Variants in MEIOB observed in about 807,000 individuals in gnomAD.
MEIOB encodes meiosis specific with OB-fold.
A neutral mutation model predicts 53.1 loss-of-function variants in MEIOB; 50 were observed. That is an observed-to-expected ratio of 0.94 (90% CI 0.75 to 1.19). MEIOB has a LOEUF of 1.19. Ranked by LOEUF, MEIOB falls within the 50% of genes most tolerant of loss-of-function variation. The pLI is 0.00. For synonymous variants in MEIOB, 192 were observed against 182.5 expected (o/e 1.05, Z -0.42); for missense variants, 551 against 550.8 (o/e 1.00, Z 0.00).
chr16:1,865,878 A>G (rs1388629007), intron 2 of MEIOB, 43 bp from the exon 3 acceptor site: 1 of 1,344,338 alleles, frequency 7.4e-7, no homozygotes, highest in East Asian at 2.5e-5. Flanking sequence ...TTAAACACAG[A>G]TGTACTTGAT....
intron 3 of MEIOB, among the ~76,000 whole-genome samples, chr16:1,865,347 G>A (rs1010015748): frequency 1.8e-4 from 28 of 151,460 alleles, no homozygotes; most frequent in Admixed American, 1.3e-4. Context: ...CAGGAGAATC[G>A]ATTGAACCCA....
In MEIOB at chr16:1,870,477, G is replaced by A. The variant is rs540492226; in HGVS notation, c.-10+1516C>T. ...GACACCTGAATTTCAGGCAGCCTGT[G>A]GAGTTAGTCAAATATGATTTTGAAT... On this transcript the variant is annotated intron_variant, in intron 1 of 13. Transcript: ENST00000325962. 2.0e-5 allele frequency among the ~76,000 whole-genome samples: 3 copies of A among 152,284 alleles called. No individual in the cohort carries two copies. In the East Asian group the frequency reaches 5.8e-4, roughly 29 times the overall value.
intron 11 of MEIOB, among the ~76,000 whole-genome samples, chr16:1,840,456 G>C (rs1158391498): frequency 6.6e-6 from 1 of 152,086 alleles, no homozygotes; most frequent in East Asian, 1.9e-4. Flanking sequence ...GAATGGTGTT[G>C]ATATCCTGGC....
At chr16:1,862,434 G>A (rs1391007523) in intron 3 of MEIOB, among the ~76,000 whole-genome samples, 3 of 152,080 alleles carry the variant, frequency 2.0e-5, no homozygotes, top group South Asian at 2.1e-4. Context: ...ATTACCTTAG[G>A]TTCTCCTTTT....
intron 9 of MEIOB, among the ~76,000 whole-genome samples, chr16:1,852,613 T>C (rs1405777425): frequency 1.3e-5 from 2 of 151,740 alleles, no homozygotes; most frequent in South Asian, 2.1e-4. Flanking sequence ...TGGAGTACAA[T>C]GGCGCGATTT....
chr16:1,871,971 G>C (rs1899767653), intron 1 of MEIOB, 22 bp downstream of exon 1: 1 of 92,876 alleles, frequency 1.1e-5, no homozygotes, highest in Non-Finnish European at 2.4e-5. Context: ...GTCGCCACCT[G>C]GCCGTCCACG....
chr16:1,857,691 T>G lies in MEIOB; in HGVS notation c.528+44A>C, dbSNP rs575116918. The stretch of plus-strand genomic sequence containing the variant: ...CAAACACAGATCAAGTGACTGCACC[T>G]CCCCTGCCAGATTGCACTTGGCTTT... On this transcript the variant is annotated intron_variant, in intron 6 of 13. Transcript: ENST00000325962. The G allele has an allele frequency of 1.9e-5, 28 of 1,475,266 alleles. No individual in the cohort carries two copies. The African/African-American group carries it at 2.8e-4, about 15-fold the overall frequency. The allele number at this position is 1,475,266 out of a possible 1,614,324, so 91.4% of individuals were successfully genotyped here. A position where few individuals can be genotyped will look rare whatever the true frequency, so the allele number is the denominator to read the frequency against.
chr16:1,871,499 T>A (rs9928009), intron 1 of MEIOB, among the ~76,000 whole-genome samples: 2 of 120,346 alleles, frequency 1.7e-5, no homozygotes, highest in Non-Finnish European at 1.6e-5. Context: ...GATTACAGGC[T>A]TGAGCCACCG....
At chr16:1,849,665 A>T (rs115592508) in intron 9 of MEIOB, among the ~76,000 whole-genome samples, 1 of 149,338 alleles carries the variant, frequency 6.7e-6, no homozygotes, top group African/African-American at 2.5e-5. Context: ...AAGTAAAACT[A>T]AAAAAAAAAG....
At chr16:1,854,737 C>T (rs562205588) in intron 6 of MEIOB, among the ~76,000 whole-genome samples, 2 of 151,936 alleles carry the variant, frequency 1.3e-5, no homozygotes, top group South Asian at 2.1e-4. Flanking sequence ...GAGCCACATG[C>T]GAGATACACA....
At chr16:1,851,468 TC>T (rs1467667815) in intron 9 of MEIOB, among the ~76,000 whole-genome samples, 1 of 152,190 alleles carries the variant, frequency 6.6e-6, no homozygotes, top group Non-Finnish European at 1.5e-5. Flanking sequence ...TCTCTGTCTC[TC>T]CCTGCTGGAG....
chr16:1,840,174 C>T (rs1020747570), intron 11 of MEIOB: 4 of 152,032 alleles, frequency 2.6e-5, no homozygotes, highest in Non-Finnish European at 5.9e-5. Context: ...GATGCTTTTC[C>T]TCAGATATCA....
chr16:1,849,809 G>A (rs1036200643), intron 9 of MEIOB, among the ~76,000 whole-genome samples: 2 of 152,048 alleles, frequency 1.3e-5, no homozygotes, highest in Admixed American at 6.5e-5. Context: ...CAGTAACAAC[G>A]TATGACATTC....
At chr16:1,865,924 C>G in intron 2 of MEIOB, 89 bp from the exon 3 acceptor site, 1 of 809,466 alleles carries the variant, frequency 1.2e-6, no homozygotes. Flanking sequence ...ACTTTACTGG[C>G]TCTAACAAAC....
chr16:1,861,541 T>C (rs1195753466), intron 4 of MEIOB, among the ~76,000 whole-genome samples: 2 of 144,638 alleles, frequency 1.4e-5, no homozygotes, highest in Non-Finnish European at 3.0e-5. Context: ...CAGTCTTTTT[T>C]TTTTTTTTTT....
intron 4 of MEIOB, among the ~76,000 whole-genome samples, chr16:1,861,597 C>A (rs1301124438): frequency 1.5e-5 from 2 of 131,312 alleles, no homozygotes; most frequent in Admixed American, 1.8e-4. Context: ...GGCTGGAGTG[C>A]AGAGGTACGA....
At chr16:1,862,181 T>C (rs567414867) in intron 3 of MEIOB, 65 bp from the exon 4 acceptor site, 17 of 1,329,484 alleles carry the variant, frequency 1.3e-5, no homozygotes, top group Admixed American at 2.3e-5. Flanking sequence ...TGCCTTTTGA[T>C]AAGTGTTACA....
chr16:1,861,814 C>G lies in MEIOB; in HGVS notation c.259+171G>C, dbSNP rs1899451152. On this transcript the variant is annotated intron_variant, in intron 4 of 13. Coordinates refer to ENST00000325962, the MANE Select transcript of MEIOB (RefSeq NM_001163560.3). ...CCTCCCAAAGTGTTGGGATTACAGGCATGAGCCACCGTGCCCCACTGCATT... is the reference window on the plus strand; with the variant it reads ...CCTCCCAAAGTGTTGGGATTACAGGGATGAGCCACCGTGCCCCACTGCATT... Among the ~76,000 whole-genome samples, 4 of 152,200 alleles carry G rather than the reference C, an allele frequency of 2.6e-5. No homozygotes were observed. In the South Asian group the frequency reaches 8.3e-4, roughly 32 times the overall value.
chr16:1,869,990 G>A (rs1462179350), intron 1 of MEIOB, among the ~76,000 whole-genome samples: 1 of 151,000 alleles, frequency 6.6e-6, no homozygotes, highest in Non-Finnish European at 1.5e-5. Flanking sequence ...TCCTGCCTCA[G>A]CCTCCCGAGT....
Sources: gnomAD v4.1 joint callset for allele counts (sites outside exome capture counted in the v4.1 genomes callset) on GRCh38, gnomAD v4.1.1 for gene constraint, MANE v1.5 for transcripts, NCBI Gene and HGNC (gene_info 2026-07-23, HGNC 2026-07-21) for gene names.